SAMD5: variants seen among roughly 807,000 people sequenced by gnomAD.
The protein encoded by SAMD5 is sterile alpha motif domain containing 5.
SAMD5 carries 13 observed loss-of-function variants against 11.3 expected under a neutral mutation model. That is an observed-to-expected ratio of 1.15 (90% confidence interval 0.75 to 1.83). The LOEUF is 1.83. Among genes scored for constraint, SAMD5 ranks in the 40% most tolerant of loss-of-function variants. SAMD5 has a pLI of 0.00. For synonymous variants in SAMD5, 129 were observed against 111.3 expected (o/e 1.16, Z -1.00); for missense variants, 255 against 239.1 (o/e 1.07, Z -0.44).
At chr6:147,951,469 AC>A in the SAMD5 span, among the ~76,000 whole-genome samples, 1 of 151,924 alleles carries the variant, frequency 6.6e-6, no homozygotes, top group Admixed American at 6.6e-5. Flanking sequence ...TTCTACCATC[AC>A]AGCCCTAATG....
chr6:147,836,068 C>T, the SAMD5 span, among the ~76,000 whole-genome samples: 1 of 152,202 alleles, frequency 6.6e-6, no homozygotes, highest in South Asian at 2.1e-4. Flanking sequence ...TTTCTATTTC[C>T]CTAGTTAGAG....
intron 1 of SAMD5, among the ~76,000 whole-genome samples, chr6:147,649,739 T>C (rs1051011902): frequency 3.4e-5 from 5 of 147,000 alleles, no homozygotes; most frequent in Middle Eastern, 3.6e-3. Context: ...TGTAGTGAAG[T>C]GAGATCGCGC....
At chr6:147,730,259 A>G (rs1344074712) in intron 1 of SAMD5, 2 of 363,722 alleles carry the variant, frequency 5.5e-6, no homozygotes, top group Non-Finnish European at 1.1e-5. Context: ...AAATTCCCTG[A>G]CTTACATTAA....
intron 1 of SAMD5, among the ~76,000 whole-genome samples, chr6:147,557,167 A>G (rs913764526): frequency 1.3e-5 from 2 of 152,226 alleles, no homozygotes; most frequent in Admixed American, 6.5e-5. Flanking sequence ...CTTTTTCATT[A>G]TGACATTAAA....
intron 1 of SAMD5, among the ~76,000 whole-genome samples, chr6:147,554,461 G>A (rs889956863): frequency 6.6e-6 from 1 of 152,212 alleles, no homozygotes; most frequent in Non-Finnish European, 1.5e-5. Flanking sequence ...TTGGGGAACT[G>A]AGCTTGGTTG....
At chr6:147,936,970 T>G in the SAMD5 span, among the ~76,000 whole-genome samples, 2 of 152,046 alleles carry the variant, frequency 1.3e-5, no homozygotes, top group South Asian at 4.2e-4. Flanking sequence ...GTGTGTGTGT[T>G]GAGGGGAGGA....
At chr6:147,758,237 C>T in the SAMD5 span, among the ~76,000 whole-genome samples, 4 of 152,132 alleles carry the variant, frequency 2.6e-5, no homozygotes, top group African/African-American at 4.8e-5. Flanking sequence ...AAGAATTTAG[C>T]GACAGAAATT....
At chr6:147,661,555 T>C (rs1457087072) in intron 1 of SAMD5, among the ~76,000 whole-genome samples, 1 of 152,216 alleles carries the variant, frequency 6.6e-6, no homozygotes, top group East Asian at 1.9e-4. Context: ...GAAGGAGCAA[T>C]GCTTAACATT....
chr6:147,591,433 G>A (rs540562761), intron 1 of SAMD5, among the ~76,000 whole-genome samples: 1 of 152,284 alleles, frequency 6.6e-6, no homozygotes, highest in South Asian at 2.1e-4. Context: ...CACCGCACTC[G>A]GGAGGGGTCG....
chr6:147,617,102 T>G (rs1789884090), intron 1 of SAMD5, among the ~76,000 whole-genome samples: 1 of 152,168 alleles, frequency 6.6e-6, no homozygotes, highest in African/African-American at 2.4e-5. Context: ...TGTGGATCTC[T>G]CTTTCTTTGT....
chr6:147,749,091 T>C, the SAMD5 span, among the ~76,000 whole-genome samples: 1 of 152,204 alleles, frequency 6.6e-6, no homozygotes, highest in Non-Finnish European at 1.5e-5. Flanking sequence ...TGTATTTCTT[T>C]GGCTTCTATA....
intron 1 of SAMD5, among the ~76,000 whole-genome samples, chr6:147,562,545 G>A (rs1788967393): frequency 1.3e-5 from 2 of 152,130 alleles, no homozygotes; most frequent in Non-Finnish European, 2.9e-5. Context: ...AGTGTTGGCC[G>A]GGTGTGGTGG....
chr6:147,869,385 C>T, the SAMD5 span, among the ~76,000 whole-genome samples: 1 of 152,172 alleles, frequency 6.6e-6, no homozygotes, highest in Non-Finnish European at 1.5e-5. Flanking sequence ...ATTTCAGGTC[C>T]TGCCTCCAAA....
At chr6:147,642,241 G>A (rs1235041460) in intron 1 of SAMD5, among the ~76,000 whole-genome samples, 1 of 152,074 alleles carries the variant, frequency 6.6e-6, no homozygotes, top group Non-Finnish European at 1.5e-5. Context: ...TTTAAAAATT[G>A]GATAAAAGTT....
At chr6:147,725,800 A>G (rs1463435006) in intron 1 of SAMD5, among the ~76,000 whole-genome samples, 1 of 152,216 alleles carries the variant, frequency 6.6e-6, no homozygotes, top group African/African-American at 2.4e-5. Context: ...TGAGGCATAC[A>G]TCTGGTTACT....
chr6:147,716,210 C>A (rs1175788065), intron 1 of SAMD5, among the ~76,000 whole-genome samples: 1 of 152,208 alleles, frequency 6.6e-6, no homozygotes, highest in Non-Finnish European at 1.5e-5. Flanking sequence ...TGCTCGTCAC[C>A]CCCCAAAGTC....
At chr6:147,829,914 A>G in the SAMD5 span, among the ~76,000 whole-genome samples, 1 of 152,190 alleles carries the variant, frequency 6.6e-6, no homozygotes, top group African/African-American at 2.4e-5. Context: ...GATGCCAGAT[A>G]ATGGGGGTCC....
the SAMD5 span, among the ~76,000 whole-genome samples, chr6:147,835,327 G>A: frequency 1.3e-5 from 2 of 151,588 alleles, no homozygotes; most frequent in Admixed American, 1.3e-4. Flanking sequence ...GAGAAGCTGT[G>A]AGCCTCTGGC....
chr6:147,802,543 A>T, the SAMD5 span, among the ~76,000 whole-genome samples: 1 of 152,232 alleles, frequency 6.6e-6, no homozygotes, highest in East Asian at 1.9e-4. Context: ...ATGACTCAGC[A>T]GTTCCACCCC....
Sources: gnomAD v4.1 joint callset for allele counts (sites outside exome capture counted in the v4.1 genomes callset) on GRCh38, gnomAD v4.1.1 for gene constraint, MANE v1.5 for transcripts, NCBI Gene and HGNC (gene_info 2026-07-23, HGNC 2026-07-21) for gene names.